The following MRTO4 variants were observed in gnomAD, a reference collection of about 807,000 sequenced individuals.
MRTO4 encodes mRNA turnover protein 4 homolog.
MRTO4 carries 7 observed loss-of-function variants against 28.6 expected under a neutral mutation model. The ratio of observed to expected loss-of-function variants is 0.24; its 90% CI spans 0.14 to 0.46. MRTO4 has a LOEUF of 0.46. Ranked by LOEUF, MRTO4 falls within the 20% of genes least tolerant of loss-of-function variation. MRTO4 has a pLI of 0.99. For synonymous variants in MRTO4, 113 were observed against 108.2 expected, an observed-to-expected ratio of 1.04 and a Z score of -0.27; for missense variants, 302 against 298.3, an observed-to-expected ratio of 1.01 and a Z score of -0.09.
intron 4 of MRTO4, 88 bp downstream of exon 4, chr1:19,257,233 G>A: frequency 1.4e-6 from 2 of 1,430,872 alleles, no homozygotes; most frequent in South Asian, 1.2e-5. Flanking sequence ...CCAGCCATTG[G>A]CAGGCCGGAG....
chr1:19,251,964 C>G (rs1322387445), intron 1 of MRTO4, 101 bp downstream of exon 1: 1 of 1,472,930 alleles, frequency 6.8e-7, no homozygotes. Flanking sequence ...ATTGGAACGC[C>G]AGGACATCCT....
At chr1:19,258,611 C>G in intron 7 of MRTO4, 58 bp downstream of exon 7, 1 of 1,614,028 alleles carries the variant, frequency 6.2e-7, no homozygotes, top group Non-Finnish European at 8.5e-7. Context: ...CCTCTGCCTG[C>G]TGAAAATGCC....
At chr1:19,255,327 C>G (rs1337785976) in intron 2 of MRTO4, among the ~76,000 whole-genome samples, 1 of 150,982 alleles carries the variant, frequency 6.6e-6, no homozygotes, top group Admixed American at 6.6e-5. Context: ...AACCTCATCT[C>G]TACAAAAAGA....
intron 2 of MRTO4, among the ~76,000 whole-genome samples, chr1:19,255,247 A>AC (rs1474380243): frequency 5.3e-5 from 8 of 152,028 alleles, no homozygotes; most frequent in Non-Finnish European, 1.2e-4. Context: ...TAATCCCAGC[A>AC]CTTTGGGAGG....
chr1:19,259,042 C>G lies in MRTO4; in HGVS notation c.*212C>G. On this transcript the variant is annotated 3_prime_UTR_variant, in exon 8 of 8. Transcript: ENST00000330263. ...CTTTGGGAAGCCGAGGTGGGCAGAT[C>G]ATAAGGTCGGGAGATTAAGACCATC... 2 of 568,910 alleles carry G rather than the reference C, an allele frequency of 3.5e-6. No individual in the cohort carries two copies. Among genetic ancestry groups the G allele is most frequent in the Non-Finnish European group, 6.1e-6 (2 of 327,788 alleles). The allele number at this position is 568,910 out of a possible 1,614,324, so 35.2% of individuals were successfully genotyped here. A position where few individuals can be genotyped will look rare whatever the true frequency, so the allele number is the denominator to read the frequency against.
intron 1 of MRTO4, chr1:19,252,360 C>T (rs775727874): frequency 2.9e-5 from 5 of 170,834 alleles, no homozygotes; most frequent in South Asian, 1.2e-4. Flanking sequence ...CCCTCTGAGA[C>T]AGGGTCTCGC....
intron 5 of MRTO4, 100 bp from the exon 6 acceptor site, chr1:19,257,732 TG>T: frequency 6.7e-7 from 1 of 1,500,636 alleles, no homozygotes. Context: ...AGGTCTGTGA[TG>T]GGGGAAGGCC....
intron 1 of MRTO4, among the ~76,000 whole-genome samples, chr1:19,252,681 A>G (rs1016890515): frequency 6.6e-6 from 1 of 152,212 alleles, no homozygotes; most frequent in Non-Finnish European, 1.5e-5. Flanking sequence ...CCTGGGCACG[A>G]CAGAGCGAGA....
intron 1 of MRTO4, chr1:19,252,332 G>A: frequency 5.5e-6 from 1 of 183,376 alleles, no homozygotes; most frequent in South Asian, 9.5e-5. Context: ...CGCCTTCTTA[G>A]TTGTCAGTTA....
At chr1:19,251,899 T>C in intron 1 of MRTO4, 36 bp downstream of exon 1, 1 of 1,579,802 alleles carries the variant, frequency 6.3e-7, no homozygotes, top group Non-Finnish European at 8.6e-7. Flanking sequence ...TGGGGGGAGC[T>C]CCGTGGGCTG....
rs770453544 is a variant in MRTO4 at position 19,257,913 on chromosome 1, C to T, written c.422C>T (p.Pro141Leu). The T allele has an allele frequency of 6.2e-7, 1 of 1,614,110 alleles. No individual in the cohort carries two copies. The highest frequency in any genetic ancestry group is 8.5e-7 in the Non-Finnish European group (1 of 1,180,022). Reference protein sequence around the residue: ...AAFTVSLDPGPLEQFPHSMEP... With the variant: ...AAFTVSLDPGLLEQFPHSMEP... The stretch of plus-strand genomic sequence containing the variant: ...TTCACTGTGAGCCTGGATCCAGGGC[C>T]CCTGGAGCAGTTCCCCCACTCCATG... The change falls in exon 6 of 8, where the codon CCC (proline) becomes CTC (leucine). Residue 141 changes from proline to leucine, a missense_variant. Coordinates refer to ENST00000330263, the MANE Select transcript of MRTO4 (RefSeq NM_016183.4).
intron 1 of MRTO4, among the ~76,000 whole-genome samples, chr1:19,252,799 C>T (rs1045815270): frequency 1.3e-5 from 2 of 150,822 alleles, no homozygotes; most frequent in African/African-American, 4.9e-5. Context: ...TACAGGCGCA[C>T]GCCACCACAC....
At chr1:19,252,818 G>GT (rs60915273) in intron 1 of MRTO4, among the ~76,000 whole-genome samples, 230 of 152,032 alleles carry the variant, frequency 1.5e-3, no homozygotes, top group African/African-American at 4.9e-3. Context: ...ACCCAGCTAG[G>GT]TTTTTTTTGT....
chr1:19,257,097 G>A lies in MRTO4; in HGVS notation c.225G>A (p.Val75=), dbSNP rs183271690. 85 of 1,614,132 alleles carry A rather than the reference G, an allele frequency of 5.3e-5. No homozygotes were observed. Among genetic ancestry groups the A allele is most frequent in the Non-Finnish European group, 7.2e-5 (85 of 1,180,016 alleles). Residue 75 remains valine, a synonymous_variant, in exon 4 of 8, where the codon GTG becomes GTA. Coordinates refer to ENST00000330263, the MANE Select transcript of MRTO4 (RefSeq NM_016183.4). ...MFFGKNKVMM[V]ALGRSPSDEY... ...TTGGCAAAAACAAGGTGATGATGGT[G>A]GCCTTGGGTCGGAGCCCATCTGATG...
chr1:19,258,116 G>A, intron 6 of MRTO4, 132 bp downstream of exon 6: 2 of 1,228,348 alleles, frequency 1.6e-6, no homozygotes, highest in South Asian at 1.6e-5. Flanking sequence ...GGGGCTAAGA[G>A]TGCATGCCTC....
In MRTO4 at chr1:19,258,099, A is replaced by AGAAAATGG. The variant is rs2093674360; in HGVS notation, c.493+117_493+124dup. 41 of 1,358,540 alleles carry AGAAAATGG rather than the reference A, an allele frequency of 3.0e-5. 1 individual carries two copies. The South Asian group carries it at 3.1e-4, about 10-fold the overall frequency. The allele number at this position is 1,358,540 out of a possible 1,614,324, so 84.2% of individuals were successfully genotyped here. On this transcript the variant is annotated intron_variant, in intron 6 of 7. Transcript: ENST00000330263. ...TTCTACAAGCTTCCATTTTCTCATG[A>AGAAAATGG]GAAAATGGGGCTAAGAGTGCATGCC... is the stretch of plus-strand genomic sequence containing the variant.
rs2093669458 is a variant in MRTO4, at chr1:19,255,075, G to A, written c.87+235G>A. ...TACTCTGTGCCCTGTCCTGCACTGT[G>A]TTTCTTATGCGTTGTTCCACTCCAT... On this transcript the variant is annotated intron_variant, in intron 2 of 7. Coordinates refer to ENST00000330263, the MANE Select transcript of MRTO4 (RefSeq NM_016183.4). Among the ~76,000 whole-genome samples, 4 of 152,134 alleles carry A rather than the reference G, an allele frequency of 2.6e-5. No individual in the cohort carries two copies. The South Asian group carries it at 8.3e-4, about 32-fold the overall frequency.
intron 6 of MRTO4, 127 bp from the exon 7 acceptor site, chr1:19,258,350 T>C: frequency 8.7e-7 from 1 of 1,145,332 alleles, no homozygotes; most frequent in Non-Finnish European, 1.3e-6. Context: ...AGACAGCCAC[T>C]GCCCAGTGTG....
At chr1:19,257,660 G>A (rs1045353912) in intron 5 of MRTO4, 139 bp downstream of exon 5, 1 of 1,354,712 alleles carries the variant, frequency 7.4e-7, no homozygotes, top group Admixed American at 1.8e-5. Context: ...AGTGGCCTGG[G>A]ACCACAGCCC....
Sources: gnomAD v4.1 joint callset for allele counts (sites outside exome capture counted in the v4.1 genomes callset) on GRCh38, gnomAD v4.1.1 for gene constraint, MANE v1.5 for transcripts, NCBI Gene and HGNC (gene_info 2026-07-23, HGNC 2026-07-21) for gene names.